Variants in SLC25A21 observed in about 807,000 individuals in gnomAD.
The protein encoded by SLC25A21 is mitochondrial 2-oxodicarboxylate carrier.
A neutral mutation model predicts 43.8 loss-of-function variants in SLC25A21; 47 were observed. That is an observed-to-expected ratio of 1.07 (90% confidence interval 0.85 to 1.37). The LOEUF (loss-of-function observed/expected upper bound fraction) is 1.37, where lower values mean the gene tolerates loss of function less well. Ranked by LOEUF, SLC25A21 falls within the 40% of genes most tolerant of loss-of-function variation. The pLI, the probability that SLC25A21 is intolerant of heterozygous loss-of-function variation, is 0.00. For missense variants in SLC25A21, 352 were observed against 350.2 expected (o/e 1.00, Z -0.04); for synonymous variants, 131 against 121.3 (o/e 1.08, Z -0.52).
chr14:37,143,880 G>A (rs1963614827), intron 1 of SLC25A21, among the ~76,000 whole-genome samples: 1 of 152,190 alleles, frequency 6.6e-6, no homozygotes, highest in African/African-American at 2.4e-5. Flanking sequence ...CAGTTAAATT[G>A]TTGGAAACAT....
intron 1 of SLC25A21, among the ~76,000 whole-genome samples, chr14:37,124,645 A>C (rs1179991742): frequency 1.3e-5 from 2 of 152,148 alleles, no homozygotes; most frequent in Non-Finnish European, 2.9e-5. Flanking sequence ...GCAAACATAA[A>C]AATAAACTGT....
At chr14:36,795,949 C>T (rs910087997) in intron 3 of SLC25A21, among the ~76,000 whole-genome samples, 27 of 152,148 alleles carry the variant, frequency 1.8e-4, no homozygotes, top group African/African-American at 6.3e-4. Context: ...TATGTAACCA[C>T]CTCAGAACAA....
intron 1 of SLC25A21, among the ~76,000 whole-genome samples, chr14:37,069,781 C>T (rs574455087): frequency 3.3e-5 from 5 of 152,226 alleles, no homozygotes; most frequent in African/African-American, 1.2e-4. Context: ...TTAAAGGAAA[C>T]TTTTATTTCT....
At chr14:37,148,058 G>A (rs907931895) in intron 1 of SLC25A21, among the ~76,000 whole-genome samples, 9 of 151,734 alleles carry the variant, frequency 5.9e-5, no homozygotes, top group East Asian at 3.9e-4. Context: ...GGCTGGTCTC[G>A]AACTCCTGAC....
intron 2 of SLC25A21, among the ~76,000 whole-genome samples, chr14:36,855,488 T>C (rs115444933): frequency 3.2e-4 from 48 of 152,312 alleles, no homozygotes; most frequent in African/African-American, 1.1e-3. Flanking sequence ...TCCTCATCTG[T>C]GGCTTCCTCA....
intron 1 of SLC25A21, among the ~76,000 whole-genome samples, chr14:37,072,380 T>C (rs1962191726): frequency 6.6e-6 from 1 of 152,174 alleles, no homozygotes; most frequent in African/African-American, 2.4e-5. Flanking sequence ...ACTGTATCTC[T>C]ACCAGGTAGC....
chr14:37,167,617 A>AATT (rs1964050946), intron 1 of SLC25A21, among the ~76,000 whole-genome samples: 1 of 152,160 alleles, frequency 6.6e-6, no homozygotes, highest in South Asian at 2.1e-4. Context: ...AAAGATTAGA[A>AATT]ATTATGGTTT....
chr14:36,898,143 A>G (rs1297246706), intron 1 of SLC25A21, among the ~76,000 whole-genome samples: 1 of 149,204 alleles, frequency 6.7e-6, no homozygotes, highest in African/African-American at 2.6e-5. Flanking sequence ...TGGAGTCTAC[A>G]GAGGCAGGCA....
chr14:36,861,634 T>C (rs982825466), intron 2 of SLC25A21, among the ~76,000 whole-genome samples: 5 of 152,264 alleles, frequency 3.3e-5, no homozygotes, highest in African/African-American at 9.6e-5. Flanking sequence ...GCAAACACTC[T>C]GGATAAAGAT....
chr14:36,969,088 T>C (rs973474157), intron 1 of SLC25A21, among the ~76,000 whole-genome samples: 3 of 152,234 alleles, frequency 2.0e-5, no homozygotes, highest in Non-Finnish European at 4.4e-5. Flanking sequence ...TGGAAATTAA[T>C]ATATCGGAAA....
At chr14:36,987,832 A>T (rs1169814516) in intron 1 of SLC25A21, among the ~76,000 whole-genome samples, 2 of 152,244 alleles carry the variant, frequency 1.3e-5, no homozygotes, top group African/African-American at 2.4e-5. Context: ...CAGAAAAATG[A>T]CATCAATTTA....
chr14:36,707,430 T>A (rs982329154), intron 7 of SLC25A21, among the ~76,000 whole-genome samples: 5 of 152,180 alleles, frequency 3.3e-5, no homozygotes, highest in African/African-American at 1.2e-4. Flanking sequence ...CCAGGAGTCA[T>A]ACTCAGACCT....
intron 1 of SLC25A21, among the ~76,000 whole-genome samples, chr14:37,051,370 C>T (rs887511322): frequency 2.0e-5 from 3 of 152,156 alleles, no homozygotes; most frequent in African/African-American, 7.2e-5. Flanking sequence ...CATGAATGTA[C>T]TGGCTTCAGT....
intron 3 of SLC25A21, among the ~76,000 whole-genome samples, chr14:36,770,155 G>A (rs1886564951): frequency 6.6e-6 from 1 of 152,284 alleles, no homozygotes; most frequent in East Asian, 1.9e-4. Context: ...TAAAGAAAAT[G>A]TGGTACATAT....
intron 1 of SLC25A21, among the ~76,000 whole-genome samples, chr14:37,093,702 T>C (rs1470573114): frequency 6.6e-6 from 1 of 151,728 alleles, no homozygotes; most frequent in Non-Finnish European, 1.5e-5. Flanking sequence ...AGAACTAACA[T>C]GGAAAAAAGT....
chr14:36,789,908 ATATATATTATATATT>A lies in SLC25A21; in HGVS notation c.203+23995_203+24009del, dbSNP rs1400894310. ...TATAAAATATATATTATATATATTT[ATATATATTATATATT>A]TATATATTATATATAAATATATAAT... On this transcript the variant is annotated intron_variant, in intron 3 of 9. Transcript: ENST00000331299. 7.6e-4 allele frequency among the ~76,000 whole-genome samples: 94 copies of A among 123,308 alleles called. 1 individual carries two copies. The Middle Eastern group carries it at 0.016, about 20-fold the overall frequency. 80.9% of individuals were successfully genotyped at this position (123,308 alleles called of 152,430 possible).
chr14:36,763,347 GT>G (rs1327695990), intron 3 of SLC25A21, among the ~76,000 whole-genome samples: 2 of 152,190 alleles, frequency 1.3e-5, no homozygotes, highest in African/African-American at 2.4e-5. Context: ...GTGCTGCTAA[GT>G]TGGACTCAGT....
intron 1 of SLC25A21, among the ~76,000 whole-genome samples, chr14:37,014,742 A>G (rs912969758): frequency 6.6e-6 from 1 of 152,144 alleles, no homozygotes; most frequent in Non-Finnish European, 1.5e-5. Flanking sequence ...CCAAAATATA[A>G]TTCTTTAATA....
chr14:37,074,549 C>A (rs762117460), intron 1 of SLC25A21, among the ~76,000 whole-genome samples: 1 of 152,132 alleles, frequency 6.6e-6, no homozygotes, highest in African/African-American at 2.4e-5. Flanking sequence ...ATTCAAAAGG[C>A]AGCCAGGCAT....
Sources: gnomAD v4.1 joint callset for allele counts (sites outside exome capture counted in the v4.1 genomes callset) on GRCh38, gnomAD v4.1.1 for gene constraint, MANE v1.5 for transcripts, NCBI Gene and HGNC (gene_info 2026-07-23, HGNC 2026-07-21) for gene names.